The following CCDC138 variants were observed in gnomAD, a reference collection of about 807,000 sequenced individuals.
The protein encoded by CCDC138 is coiled-coil domain-containing protein 138.
Under a neutral mutation model 82.3 loss-of-function variants are expected in CCDC138, and 66 were observed. The ratio of observed to expected loss-of-function variants is 0.80; its 90% CI spans 0.66 to 0.98. The LOEUF (loss-of-function observed/expected upper bound fraction) is 0.98, where lower values mean the gene tolerates loss of function less well. CCDC138 is among the 50% of genes least tolerant of loss of function. The probability of loss-of-function intolerance (pLI) is 0.00; values close to 1 mark genes in which losing one functional copy is unlikely to be tolerated. For missense variants in CCDC138, 816 were observed against 758.9 expected, an observed-to-expected ratio of 1.08 and a Z score of -0.88; for synonymous variants, 297 against 265.4, an observed-to-expected ratio of 1.12 and a Z score of -1.16.
At chr2:108,857,985 T>G (rs1692903250) in intron 13 of CCDC138, among the ~76,000 whole-genome samples, 1 of 152,208 alleles carries the variant, frequency 6.6e-6, no homozygotes, top group Non-Finnish European at 1.5e-5. Context: ...AAATGCAAAT[T>G]TGAATAAAGT....
intron 9 of CCDC138, among the ~76,000 whole-genome samples, chr2:108,814,112 A>G (rs1684350628): frequency 6.6e-6 from 1 of 152,220 alleles, no homozygotes; most frequent in South Asian, 2.1e-4. Context: ...TACCAGGACT[A>G]CAATTTCTGG....
intron 2 of CCDC138, among the ~76,000 whole-genome samples, chr2:108,788,480 A>G (rs998313559): frequency 6.6e-6 from 1 of 151,968 alleles, no homozygotes; most frequent in Non-Finnish European, 1.5e-5. Context: ...GCACTTTGGG[A>G]GGCGAGGCGG....
intron 7 of CCDC138, among the ~76,000 whole-genome samples, chr2:108,810,275 G>T (rs1198671221): frequency 6.6e-6 from 1 of 152,136 alleles, no homozygotes; most frequent in Non-Finnish European, 1.5e-5. Flanking sequence ...TGTTAATTGT[G>T]TGTTTGTTAT....
At chr2:108,872,080 T>A (rs889204568) in intron 13 of CCDC138, among the ~76,000 whole-genome samples, 6 of 152,222 alleles carry the variant, frequency 3.9e-5, no homozygotes, top group African/African-American at 1.4e-4. Context: ...CTTTTATACT[T>A]AACCAGATCT....
chr2:108,865,152 A>T (rs1465213596), intron 13 of CCDC138, among the ~76,000 whole-genome samples: 2 of 151,972 alleles, frequency 1.3e-5, no homozygotes, highest in South Asian at 4.2e-4. Context: ...TTTTATATAG[A>T]TATATATTAT....
At chr2:108,850,918 C>T (rs756836875) in intron 12 of CCDC138, among the ~76,000 whole-genome samples, 9 of 152,172 alleles carry the variant, frequency 5.9e-5, no homozygotes, top group Non-Finnish European at 1.3e-4. Flanking sequence ...TGCTCCAATT[C>T]ACTTCTGACA....
intron 13 of CCDC138, among the ~76,000 whole-genome samples, chr2:108,864,518 C>T (rs1694103097): frequency 6.6e-6 from 1 of 151,960 alleles, no homozygotes; most frequent in African/African-American, 2.4e-5. Context: ...AAAAAATTAG[C>T]CGGGCACGGT....
In CCDC138 at chr2:108,804,876, T is replaced by C. The variant is rs550831566; in HGVS notation, c.736-13T>C. On this transcript the variant is annotated splice_polypyrimidine_tract_variant and intron_variant, in intron 6 of 14. Transcript: ENST00000295124. ...ACAAGTTTTAGATGAGAGTTTTTTT[T>C]TTCTCCTCCTAGCAGCATGATGCAG... 4.2e-4 allele frequency: 635 copies of C among 1,497,330 alleles called. 10 individuals are homozygous for C. The South Asian group carries it at 8.2e-3, about 19-fold the overall frequency. The allele number at this position is 1,497,330 out of a possible 1,614,324, so 92.8% of individuals were successfully genotyped here.
rs1169733461 is a variant in CCDC138, at chr2:108,813,247, T to TAAA, written c.1041+320_1041+321insAAA. ...CTGGGCGACAGAGTGAGACTCCGTC[T>TAAA]CAAAAAAAAAAAAAAAAAAAAAAAA... On this transcript the variant is annotated intron_variant, in intron 9 of 14. Transcript: ENST00000295124. 8.6e-3 allele frequency among the ~76,000 whole-genome samples: 39 copies of TAAA among 4,528 alleles called. 1 individual carries two copies. Among genetic ancestry groups the TAAA allele is most frequent in the Non-Finnish European group, 8.2e-3 (10 of 1,226 alleles). 3.0% of individuals were successfully genotyped at this position (4,528 alleles called of 152,430 possible).
intron 6 of CCDC138, among the ~76,000 whole-genome samples, chr2:108,800,136 G>C (rs1405778307): frequency 1.3e-5 from 2 of 152,054 alleles, no homozygotes; most frequent in Non-Finnish European, 2.9e-5. Context: ...TTCTTTGTAT[G>C]TTCAGTGATT....
intron 11 of CCDC138, among the ~76,000 whole-genome samples, chr2:108,843,308 C>T (rs565701826): frequency 6.6e-6 from 1 of 152,250 alleles, no homozygotes; most frequent in South Asian, 2.1e-4. Context: ...CAGGCGCCCA[C>T]CACCATGCCT....
chr2:108,842,194 A>T (rs1195350667), intron 11 of CCDC138, among the ~76,000 whole-genome samples: 1 of 110,208 alleles, frequency 9.1e-6, no homozygotes, highest in Admixed American at 1.2e-4. Flanking sequence ...CACCTGGCTA[A>T]TTAAAAAGTT....
intron 11 of CCDC138, among the ~76,000 whole-genome samples, chr2:108,845,648 T>C (rs1193431118): frequency 6.6e-6 from 1 of 151,020 alleles, no homozygotes; most frequent in Non-Finnish European, 1.5e-5. Flanking sequence ...CTCGGCTCAC[T>C]GCAAGCTCCG....
At chr2:108,809,448 TTGTGTGTGTGTG>T (rs56122981) in intron 7 of CCDC138, among the ~76,000 whole-genome samples, 49 of 141,224 alleles carry the variant, frequency 3.5e-4, no homozygotes, top group Admixed American at 1.0e-3. Context: ...ACATGAAATG[TTGTGTGTGTGTG>T]TGTGTGTGTG....
chr2:108,803,462 A>T (rs1052506750), intron 6 of CCDC138, among the ~76,000 whole-genome samples: 3 of 152,198 alleles, frequency 2.0e-5, no homozygotes, highest in Non-Finnish European at 2.9e-5. Flanking sequence ...ATTGTTTTAG[A>T]GACAGAGTCT....
intron 12 of CCDC138, 144 bp from the exon 13 acceptor site, chr2:108,856,650 T>A: frequency 4.3e-6 from 3 of 700,352 alleles, no homozygotes; most frequent in Non-Finnish European, 7.1e-6. Context: ...TCAGTTAGAA[T>A]CTAAATTTAG....
At chr2:108,808,528 T>C (rs2149749976) in intron 7 of CCDC138, among the ~76,000 whole-genome samples, 1 of 152,318 alleles carries the variant, frequency 6.6e-6, no homozygotes, top group South Asian at 2.1e-4. Context: ...CGTTTATTAC[T>C]TTTTGTCTTT....
intron 10 of CCDC138, among the ~76,000 whole-genome samples, chr2:108,833,894 ATTTTTTTT>A (rs749488565): frequency 2.3e-4 from 18 of 79,222 alleles, no homozygotes; most frequent in African/African-American, 6.5e-4. Flanking sequence ...CGCCCGGCTA[ATTTTTTTT>A]TTTTTTTTTT....
At chr2:108,857,922 T>C (rs953277250) in intron 13 of CCDC138, among the ~76,000 whole-genome samples, 9 of 152,214 alleles carry the variant, frequency 5.9e-5, no homozygotes, top group African/African-American at 1.2e-4. Context: ...GAAAACAAAA[T>C]ATAATTTTAT....
Sources: allele counts gnomAD v4.1 joint callset (sites outside exome capture counted in the v4.1 genomes callset), GRCh38; gene constraint gnomAD v4.1.1; transcripts MANE v1.5; gene names NCBI Gene and HGNC (gene_info 2026-07-23, HGNC 2026-07-21).